Variants in ARB2A observed in about 807,000 individuals in gnomAD.
ARB2A encodes the protein cotranscriptional regulator ARB2A.
chr5:93,872,703 G>C, the ARB2A span, among the ~76,000 whole-genome samples: 1 of 151,806 alleles, frequency 6.6e-6, no homozygotes, highest in Non-Finnish European at 1.5e-5. Context: ...GGATCACAAG[G>C]TCATGAGATC....
At chr5:93,729,643 A>G in the ARB2A span, among the ~76,000 whole-genome samples, 27 of 152,272 alleles carry the variant, frequency 1.8e-4, no homozygotes, top group Admixed American at 1.1e-3. Flanking sequence ...CATAAATGAG[A>G]AATCAAACAA....
the ARB2A span, among the ~76,000 whole-genome samples, chr5:93,874,320 G>A: frequency 6.6e-6 from 1 of 152,146 alleles, no homozygotes; most frequent in Non-Finnish European, 1.5e-5. Flanking sequence ...TGCTAATGAG[G>A]TGACTTAGAC....
chr5:93,871,865 A>G, the ARB2A span, among the ~76,000 whole-genome samples: 2 of 152,202 alleles, frequency 1.3e-5, no homozygotes, highest in East Asian at 3.9e-4. Context: ...ACATAAGCCA[A>G]TGGGAAAAGA....
the ARB2A span, among the ~76,000 whole-genome samples, chr5:93,877,415 C>A: frequency 6.6e-6 from 1 of 152,074 alleles, no homozygotes; most frequent in Admixed American, 6.6e-5. Flanking sequence ...ATCACTTAGG[C>A]CTAATCTTGT....
the ARB2A span, among the ~76,000 whole-genome samples, chr5:93,698,888 TG>T: frequency 6.6e-6 from 1 of 152,058 alleles, no homozygotes; most frequent in Non-Finnish European, 1.5e-5. Flanking sequence ...TATGCTATGG[TG>T]GGGGTCATGC....
chr5:93,884,695 A>G, the ARB2A span, among the ~76,000 whole-genome samples: 28 of 151,738 alleles, frequency 1.8e-4, no homozygotes, highest in Middle Eastern at 3.4e-3. Flanking sequence ...CATTCTCTGT[A>G]GAAATGAGAG....
the ARB2A span, among the ~76,000 whole-genome samples, chr5:93,900,523 A>C: frequency 6.6e-5 from 10 of 151,812 alleles, no homozygotes; most frequent in Non-Finnish European, 1.5e-4. Flanking sequence ...AGGCTTAAAG[A>C]GAATCGCTTG....
the ARB2A span, among the ~76,000 whole-genome samples, chr5:93,869,523 A>G: frequency 1.3e-5 from 2 of 152,196 alleles, no homozygotes; most frequent in African/African-American, 4.8e-5. Context: ...CTGAGTGCAT[A>G]CTATGTGCTA....
the ARB2A span, among the ~76,000 whole-genome samples, chr5:93,778,882 T>C: frequency 2.0e-4 from 31 of 152,342 alleles, no homozygotes; most frequent in African/African-American, 7.0e-4. Flanking sequence ...AGCTCACCTT[T>C]AACTCAAACA....
At chr5:93,746,257 A>G in the ARB2A span, among the ~76,000 whole-genome samples, 1 of 152,224 alleles carries the variant, frequency 6.6e-6, no homozygotes, top group Non-Finnish European at 1.5e-5. Flanking sequence ...AAAAAGAGCT[A>G]ATCAAATCAA....
chr5:93,707,044 G>T, the ARB2A span, among the ~76,000 whole-genome samples: 3 of 152,030 alleles, frequency 2.0e-5, no homozygotes, highest in Non-Finnish European at 4.4e-5. Context: ...CAATAAGTGG[G>T]AAATTAATCA....
At chr5:93,869,939 C>T in the ARB2A span, among the ~76,000 whole-genome samples, 1 of 152,226 alleles carries the variant, frequency 6.6e-6, no homozygotes, top group Non-Finnish European at 1.5e-5. Flanking sequence ...GTGAAATAAA[C>T]AGCCTTGTTG....
At chr5:93,905,096 G>A in the ARB2A span, among the ~76,000 whole-genome samples, 1 of 151,638 alleles carries the variant, frequency 6.6e-6, no homozygotes. Flanking sequence ...TCTGTCCCAA[G>A]TCTATGGGAA....
the ARB2A span, among the ~76,000 whole-genome samples, chr5:93,672,147 A>G: frequency 6.6e-6 from 1 of 152,338 alleles, no homozygotes; most frequent in East Asian, 1.9e-4. Flanking sequence ...TTTACATATG[A>G]AAAGTCAAAC....
chr5:93,969,101 G>A, the ARB2A span, among the ~76,000 whole-genome samples: 1 of 150,174 alleles, frequency 6.7e-6, no homozygotes, highest in African/African-American at 2.4e-5. Flanking sequence ...AATTACAGAG[G>A]TCAGGAATTT....
At chr5:93,665,478 T>C in the ARB2A span, among the ~76,000 whole-genome samples, 2 of 152,134 alleles carry the variant, frequency 1.3e-5, no homozygotes, top group Non-Finnish European at 2.9e-5. Flanking sequence ...TCAAGTCTGA[T>C]AAAACTAAAG....
the ARB2A span, among the ~76,000 whole-genome samples, chr5:93,652,809 T>TG: frequency 1.3e-5 from 2 of 152,218 alleles, no homozygotes; most frequent in Non-Finnish European, 2.9e-5. Context: ...GAGTTTCTCC[T>TG]GGGACAGTTT....
At chr5:93,887,754 T>A in the ARB2A span, among the ~76,000 whole-genome samples, 1 of 151,872 alleles carries the variant, frequency 6.6e-6, no homozygotes, top group Non-Finnish European at 1.5e-5. Context: ...AATATTCTAT[T>A]ATTATGTTGG....
At chr5:93,644,985 G>A in the ARB2A span, among the ~76,000 whole-genome samples, 2 of 152,192 alleles carry the variant, frequency 1.3e-5, no homozygotes, top group South Asian at 2.1e-4. Context: ...GATAAGCTAC[G>A]AACACAAACC....
Sources: allele counts gnomAD v4.1 joint callset (sites outside exome capture counted in the v4.1 genomes callset), GRCh38; gene constraint gnomAD v4.1.1; transcripts MANE v1.5; gene names NCBI Gene and HGNC (gene_info 2026-07-23, HGNC 2026-07-21).